The following SLC6A7 variants were observed in gnomAD, a reference collection of about 807,000 sequenced individuals.
SLC6A7 encodes the protein solute carrier family 6 member 7, also known as sodium-dependent proline transporter.
In SLC6A7, 58 loss-of-function variants were observed where a neutral mutation model predicts 73.1. That is an observed-to-expected ratio of 0.79 (90% CI 0.64 to 0.99). The LOEUF (loss-of-function observed/expected upper bound fraction) is 0.99, where lower values mean the gene tolerates loss of function less well. SLC6A7 is among the 50% of genes least tolerant of loss of function. The probability of loss-of-function intolerance (pLI) is 0.00; values close to 1 mark genes in which losing one functional copy is unlikely to be tolerated. For synonymous variants in SLC6A7, 338 were observed against 338.7 expected (o/e 1.00, Z 0.02); for missense variants, 783 against 831.4 (o/e 0.94, Z 0.72).
intron 1 of SLC6A7, 118 bp downstream of exon 1, chr5:150,190,478 G>C: frequency 1.6e-6 from 1 of 640,996 alleles, no homozygotes; most frequent in Non-Finnish European, 2.5e-6. Context: ...TCGGGCTCTG[G>C]GGAAGGCCCG....
At chr5:150,197,380 C>A (rs1184145403) in intron 4 of SLC6A7, 104 bp downstream of exon 4, 6 of 728,854 alleles carry the variant, frequency 8.2e-6, no homozygotes, top group African/African-American at 3.6e-5. Flanking sequence ...AAGATGAGCT[C>A]AGGTGGTGAT....
Position 150,202,708 on chromosome 5 carries a change from G to T in SLC6A7, c.1087+5G>T. 6.2e-7 allele frequency: 1 copy of T among 1,613,834 alleles called. No individual in the cohort carries two copies. The highest frequency in any genetic ancestry group is 8.5e-7 in the Non-Finnish European group (1 of 1,179,828). On this transcript the variant is annotated splice_donor_5th_base_variant and intron_variant, in intron 8 of 13. Coordinates refer to ENST00000230671, the MANE Select transcript of SLC6A7 (RefSeq NM_014228.5). ...TGGACCAAGTAGCCAAAGCAGGTGGGCAGGCTGCCAGGCCTCAGTGGGGTG... is the reference window on the plus strand; with the variant it reads ...TGGACCAAGTAGCCAAAGCAGGTGGTCAGGCTGCCAGGCCTCAGTGGGGTG...
intron 4 of SLC6A7, among the ~76,000 whole-genome samples, chr5:150,198,658 G>A (rs1435311567): frequency 1.3e-5 from 2 of 152,140 alleles, no homozygotes; most frequent in Non-Finnish European, 1.5e-5. Flanking sequence ...GAGGGTCATG[G>A]AAGCCACAGC....
chr5:150,205,361 T>A (rs1246063182), intron 12 of SLC6A7, 95 bp from the exon 13 acceptor site: 3 of 1,028,622 alleles, frequency 2.9e-6, no homozygotes, highest in Non-Finnish European at 4.3e-6. Context: ...GGCTGGACTG[T>A]CTCAGGCCTT....
At chr5:150,194,203 G>A (rs544442578) in intron 1 of SLC6A7, among the ~76,000 whole-genome samples, 11 of 152,298 alleles carry the variant, frequency 7.2e-5, no homozygotes, top group African/African-American at 2.6e-4. Flanking sequence ...GCCGAGGCGG[G>A]TGGATCACGA....
rs765874699 is a variant in SLC6A7 at position 150,203,680 on chromosome 5, C to T, written c.1101C>T (p.Ala367=). 1.2e-6 allele frequency: 2 copies of T among 1,608,780 alleles called. No individual in the cohort carries two copies. Among genetic ancestry groups the T allele is most frequent in the Non-Finnish European group, 1.7e-6 (2 of 1,175,216 alleles). The change falls in exon 9 of 14, where the codon GCC becomes GCT. Residue 367 remains alanine, a synonymous_variant. Transcript: ENST00000230671. ...DQVAKAGPGL[A]FVVYPQAMTM... is the part of the protein sequence containing the mutation. ...CCCCTGGCCCAGGCCCTGGCCTGGCCTTTGTCGTCTACCCACAGGCCATGA... is the reference window on the plus strand; with the variant it reads ...CCCCTGGCCCAGGCCCTGGCCTGGCTTTTGTCGTCTACCCACAGGCCATGA...
At position 150,202,628 on chromosome 5, in the gene SLC6A7, G is replaced by A. The variant is rs117381766; in HGVS notation, c.1012G>A (p.Gly338Ser). ...CAACGCCATCACCAGCATCCTGGCTGGCTTTGCCATCTTCTCCGTGCTGGG... is the reference window on the plus strand; with the variant it reads ...CAACGCCATCACCAGCATCCTGGCTAGCTTTGCCATCTTCTCCGTGCTGGG... ...LGNAITSILA[G>S]FAIFSVLGYM... is the part of the protein sequence containing the mutation. The change falls in exon 8 of 14, where the codon GGC (glycine) becomes AGC (serine). Residue 338 changes from glycine to serine, a missense_variant. Physicochemically the swap from Gly to Ser is moderately conservative, Grantham distance 56. Coordinates refer to ENST00000230671, the MANE Select transcript of SLC6A7 (RefSeq NM_014228.5). The A allele has an allele frequency of 5.9e-4, 949 of 1,614,236 alleles. 9 individuals are homozygous for A. In the East Asian group the frequency reaches 0.02, roughly 33 times the overall value.
intron 13 of SLC6A7, among the ~76,000 whole-genome samples, chr5:150,208,054 G>A (rs1305415597): frequency 6.9e-6 from 1 of 144,840 alleles, no homozygotes; most frequent in Non-Finnish European, 1.6e-5. Flanking sequence ...AGACCGAAAT[G>A]TCAGGAGCAC....
At chr5:150,201,312 G>GGGACACCGCAGTAC in intron 6 of SLC6A7, 89 bp downstream of exon 6, 1 of 929,000 alleles carries the variant, frequency 1.1e-6, no homozygotes, top group Non-Finnish European at 1.6e-6. Flanking sequence ...GCAGTACCAG[G>GGGACACCGCAGTAC]CACTCTGCTC....
intron 13 of SLC6A7, among the ~76,000 whole-genome samples, chr5:150,207,487 G>A (rs996523533): frequency 3.3e-5 from 5 of 152,150 alleles, no homozygotes; most frequent in Admixed American, 6.5e-5. Context: ...AGTGATCCGC[G>A]CACTTCGGCC....
In SLC6A7 at chr5:150,205,682, C is replaced by T. The variant is rs1753664926; in HGVS notation, c.1701+59C>T. On this transcript the variant is annotated intron_variant, in intron 13 of 13. Transcript: ENST00000230671. The stretch of plus-strand genomic sequence containing the variant: ...CCTGACCTGTGGCCTGACCCTAGGT[C>T]CCCCTGCTAGAACAGAAAACATATG... 6 of 1,456,400 alleles carry T rather than the reference C, an allele frequency of 4.1e-6. No homozygotes were observed. In the South Asian group the frequency reaches 6.4e-5, roughly 16 times the overall value. 90.2% of individuals were successfully genotyped at this position (1,456,400 alleles called of 1,614,324 possible). A position where few individuals can be genotyped will look rare whatever the true frequency, so the allele number is the denominator to read the frequency against.
intron 13 of SLC6A7, 92 bp from the exon 14 acceptor site, chr5:150,209,314 T>C: frequency 9.6e-7 from 1 of 1,040,840 alleles, no homozygotes; most frequent in South Asian, 1.4e-5. Flanking sequence ...CCCAGTGATG[T>C]GGTCAGGTGT....
chr5:150,208,872 G>T lies in SLC6A7; in HGVS notation c.1702-534G>T, dbSNP rs1052062748. Among the ~76,000 whole-genome samples, 3 of 152,204 alleles carry T rather than the reference G, an allele frequency of 2.0e-5. No homozygotes were observed. In the South Asian group the frequency reaches 6.2e-4, roughly 31 times the overall value. ...AAAGGTCAGAGGCAGAAGGAGGCAG[G>T]TCGGGGCTGGAAGAAACCGGGAAAG... On this transcript the variant is annotated intron_variant, in intron 13 of 13. Coordinates refer to ENST00000230671, the MANE Select transcript of SLC6A7 (RefSeq NM_014228.5).
chr5:150,198,113 A>AAGAAAGAAAGAG (rs1753160952), intron 4 of SLC6A7, among the ~76,000 whole-genome samples: 1 of 56,448 alleles, frequency 1.8e-5, no homozygotes, highest in Non-Finnish European at 4.8e-5. Context: ...GAAAGAAAGA[A>AAGAAAGAAAGAG]AGAGAAAGAA....
intron 5 of SLC6A7, 53 bp from the exon 6 acceptor site, chr5:150,201,036 G>A: frequency 6.3e-7 from 1 of 1,599,056 alleles, no homozygotes; most frequent in Non-Finnish European, 8.6e-7. Context: ...TACAAGGAAT[G>A]GCACTGAGTC....
intron 8 of SLC6A7, 49 bp from the exon 9 acceptor site, chr5:150,203,618 G>A: frequency 1.1e-6 from 1 of 922,592 alleles, no homozygotes; most frequent in Non-Finnish European, 1.8e-6. Flanking sequence ...GTGCGTATGG[G>A]AGCCCACCGC....
chr5:150,192,030 A>G (rs1322535052), intron 1 of SLC6A7, among the ~76,000 whole-genome samples: 6 of 151,930 alleles, frequency 3.9e-5, no homozygotes, highest in Non-Finnish European at 5.9e-5. Flanking sequence ...CCTAGAGCCA[A>G]CAGGGCAGAG....
In SLC6A7 at chr5:150,197,063, TCATCGTGGGCTTGGTGGC is replaced by T; in HGVS notation, c.376_393del (p.Val126_Ile131del). 3 of 1,614,064 alleles carry T rather than the reference TCATCGTGGGCTTGGTGGC, an allele frequency of 1.9e-6. No individual in the cohort carries two copies. The highest frequency in any genetic ancestry group is 2.5e-6 in the Non-Finnish European group (3 of 1,179,986). ...CCAGGCGCCGGCGCAGCCATGCTGCTCATCGTGGGCTTGGTGGCCATCTACTACAACATGATCATCGCC... is the reference window on the plus strand; with the variant it reads ...CCAGGCGCCGGCGCAGCCATGCTGCTCATCTACTACAACATGATCATCGCC... On this transcript the variant is annotated inframe_deletion, in exon 4 of 14. Transcript: ENST00000230671.
Position 150,203,602 on chromosome 5 carries a change from C to T in SLC6A7, c.1088-65C>T, listed in dbSNP as rs182189079. On this transcript the variant is annotated intron_variant, in intron 8 of 13. Coordinates refer to ENST00000230671, the MANE Select transcript of SLC6A7 (RefSeq NM_014228.5). ...AATGAGTGTAAGTGGCCGTGTGTGT[C>T]TGAGTGTGCGTATGGGAGCCCACCG... The T allele has an allele frequency of 1.1e-3, 866 of 811,072 alleles. 2 individuals are homozygous for T. The African/African-American group carries it at 0.013, about 12-fold the overall frequency. The allele number at this position is 811,072 out of a possible 1,614,324, so 50.2% of individuals were successfully genotyped here. A position where few individuals can be genotyped will look rare whatever the true frequency, so the allele number is the denominator to read the frequency against.
Sources: allele counts gnomAD v4.1 joint callset (sites outside exome capture counted in the v4.1 genomes callset), GRCh38; gene constraint gnomAD v4.1.1; transcripts MANE v1.5; gene names NCBI Gene and HGNC (gene_info 2026-07-23, HGNC 2026-07-21).